TPP2: variants seen among roughly 807,000 people sequenced by gnomAD.
TPP2 encodes the protein tripeptidyl peptidase 2.
TPP2 carries 34 observed loss-of-function variants against 155.9 expected under a neutral mutation model. The observed-to-expected ratio is 0.22, with a 90% CI of 0.17 to 0.29. The LOEUF is 0.29. TPP2 is among the 10% of genes least tolerant of loss of function. The pLI is 1.00. For synonymous variants in TPP2, 510 were observed against 529.4 expected, an observed-to-expected ratio of 0.96 and a Z score of 0.50; for missense variants, 1,028 against 1,522.3, an observed-to-expected ratio of 0.68 and a Z score of 5.40.
At chr13:102,653,308 T>G (rs1230004074) in intron 24 of TPP2, among the ~76,000 whole-genome samples, 1 of 152,208 alleles carries the variant, frequency 6.6e-6, no homozygotes, top group Non-Finnish European at 1.5e-5. Flanking sequence ...AATAGATTTT[T>G]TCCTCTGGGT....
chr13:102,666,946 T>C (rs966189411), intron 27 of TPP2, among the ~76,000 whole-genome samples: 1 of 152,130 alleles, frequency 6.6e-6, no homozygotes, highest in African/African-American at 2.4e-5. Flanking sequence ...TGTTTATCCT[T>C]GTAATTAAAG....
chr13:102,657,920 C>T (rs1237972007), intron 25 of TPP2, among the ~76,000 whole-genome samples: 1 of 152,132 alleles, frequency 6.6e-6, no homozygotes, highest in African/African-American at 2.4e-5. Context: ...TCTTAAATTA[C>T]GTCTCTAGTT....
intron 17 of TPP2, among the ~76,000 whole-genome samples, chr13:102,643,586 G>C (rs1047819978): frequency 2.6e-5 from 4 of 152,084 alleles, no homozygotes; most frequent in Admixed American, 6.5e-5. Flanking sequence ...TGTAATTCTT[G>C]AATAGCATAG....
rs140843295 is a variant in TPP2, at chr13:102,659,876, G to A, written c.3143+2669G>A. On this transcript the variant is annotated intron_variant, in intron 25 of 29. Transcript: ENST00000376052. ...TAAAAAGCAGTTCTGTAAATATTGT[G>A]TATATATTAGGCCTATGTAATATTT... 7.2e-3 allele frequency among the ~76,000 whole-genome samples: 1,091 copies of A among 152,176 alleles called. 11 individuals are homozygous for A. The highest frequency in any genetic ancestry group is 0.023 in the African/African-American group (963 of 41,510).
intron 2 of TPP2, among the ~76,000 whole-genome samples, chr13:102,608,659 A>T (rs1880032364): frequency 1.3e-5 from 2 of 152,070 alleles, no homozygotes; most frequent in Admixed American, 1.3e-4. Context: ...TGTATGCAAC[A>T]TTTTATCTCT....
intron 11 of TPP2, among the ~76,000 whole-genome samples, chr13:102,634,945 C>G (rs1373524120): frequency 6.6e-6 from 1 of 152,214 alleles, no homozygotes; most frequent in East Asian, 1.9e-4. Flanking sequence ...GGCGGCTTAT[C>G]TGTCAGTTCC....
chr13:102,638,576 C>G (rs1222899197), intron 15 of TPP2, among the ~76,000 whole-genome samples: 1 of 152,226 alleles, frequency 6.6e-6, no homozygotes, highest in Non-Finnish European at 1.5e-5. Context: ...CTGAGCTCTG[C>G]ATTGCCCAGT....
intron 6 of TPP2, among the ~76,000 whole-genome samples, chr13:102,625,671 TAAG>T (rs1881565919): frequency 6.6e-6 from 1 of 152,144 alleles, no homozygotes; most frequent in African/African-American, 2.4e-5. Context: ...GGGAAAGAAA[TAAG>T]AAAGCCAGAA....
At chr13:102,661,306 A>G (rs1228822745) in intron 25 of TPP2, among the ~76,000 whole-genome samples, 1 of 139,348 alleles carries the variant, frequency 7.2e-6, no homozygotes, top group Non-Finnish European at 1.5e-5. Flanking sequence ...GCTGGACTGC[A>G]GTGGCACGAT....
intron 29 of TPP2, among the ~76,000 whole-genome samples, chr13:102,678,025 G>A (rs1445719152): frequency 6.6e-6 from 1 of 152,102 alleles, no homozygotes; most frequent in African/African-American, 2.4e-5. Context: ...AGAACAATAG[G>A]TTGGTTGGTA....
At chr13:102,619,054 A>C (rs1373764908) in intron 5 of TPP2, among the ~76,000 whole-genome samples, 2 of 152,186 alleles carry the variant, frequency 1.3e-5, no homozygotes, top group African/African-American at 4.8e-5. Context: ...CCTGACTTTT[A>C]TCTGATTTAA....
intron 2 of TPP2, among the ~76,000 whole-genome samples, chr13:102,606,216 C>T (rs1450758452): frequency 2.0e-5 from 3 of 152,312 alleles, no homozygotes; most frequent in Admixed American, 6.5e-5. Context: ...TTAGCTTTTC[C>T]CACCTTTTGC....
chr13:102,646,260 G>A, intron 19 of TPP2, 34 bp from the exon 20 acceptor site: 1 of 1,550,968 alleles, frequency 6.4e-7, no homozygotes. Flanking sequence ...ATGAACTCTT[G>A]AATCAAACCA....
At chr13:102,633,076 A>C (rs557993607) in intron 10 of TPP2, among the ~76,000 whole-genome samples, 1 of 152,356 alleles carries the variant, frequency 6.6e-6, no homozygotes, top group East Asian at 1.9e-4. Flanking sequence ...GAGATGGTAT[A>C]AGGAGAGTCT....
At chr13:102,602,084 T>C (rs1035780277) in intron 1 of TPP2, among the ~76,000 whole-genome samples, 6 of 152,220 alleles carry the variant, frequency 3.9e-5, no homozygotes, top group Non-Finnish European at 8.8e-5. Context: ...GGTTTGCTTA[T>C]TGAGGTGAAG....
chr13:102,642,655 A>T (rs537232815), intron 16 of TPP2, among the ~76,000 whole-genome samples: 40 of 152,234 alleles, frequency 2.6e-4, no homozygotes, highest in Non-Finnish European at 5.3e-4. Context: ...TCTTTAGAAA[A>T]GCTGCCAATC....
chr13:102,641,095 T>C (rs972889223), intron 16 of TPP2, among the ~76,000 whole-genome samples: 4 of 152,222 alleles, frequency 2.6e-5, no homozygotes, highest in African/African-American at 9.6e-5. Flanking sequence ...CTCTGAAATT[T>C]TGAGAGTAAA....
At chr13:102,624,151 C>T (rs1157554625) in intron 6 of TPP2, among the ~76,000 whole-genome samples, 2 of 151,840 alleles carry the variant, frequency 1.3e-5, no homozygotes, top group East Asian at 1.9e-4. Context: ...TAAAACATGC[C>T]GAATAGTACT....
At chr13:102,620,165 A>G (rs2139455985) in intron 5 of TPP2, among the ~76,000 whole-genome samples, 1 of 152,348 alleles carries the variant, frequency 6.6e-6, no homozygotes, top group East Asian at 1.9e-4. Context: ...CAGGATGTCC[A>G]GGGTACCAGT....
Sources: allele counts gnomAD v4.1 joint callset (sites outside exome capture counted in the v4.1 genomes callset), GRCh38; gene constraint gnomAD v4.1.1; transcripts MANE v1.5; gene names NCBI Gene and HGNC (gene_info 2026-07-23, HGNC 2026-07-21).